The following FMN2 variants were observed in gnomAD, a reference collection of about 807,000 sequenced individuals.
FMN2 encodes the protein formin 2.
FMN2 carries 51 observed loss-of-function variants against 142.3 expected under a neutral mutation model. The observed-to-expected ratio is 0.36, with a 90% confidence interval of 0.29 to 0.45. The LOEUF is 0.45. FMN2 is among the 20% of genes least tolerant of loss of function. The pLI is 1.00. For synonymous variants in FMN2, 882 were observed against 869.8 expected, an observed-to-expected ratio of 1.01 and a Z score of -0.25; for missense variants, 1,936 against 2,122.8, an observed-to-expected ratio of 0.91 and a Z score of 1.73.
intron 2 of FMN2, among the ~76,000 whole-genome samples, chr1:240,141,344 T>TTTTATTTATTTA (rs59481681): frequency 6.6e-6 from 1 of 150,410 alleles, no homozygotes; most frequent in Admixed American, 6.6e-5. Context: ...GGCAACGGTA[T>TTTTATTTATTTA]TTTATTTATT....
intron 2 of FMN2, among the ~76,000 whole-genome samples, chr1:240,151,532 C>G (rs1211390384): frequency 6.6e-6 from 1 of 152,006 alleles, no homozygotes; most frequent in Non-Finnish European, 1.5e-5. Flanking sequence ...AATGTAAGCT[C>G]CGGTGTGGGC....
At chr1:240,335,441 A>G (rs533608398) in intron 13 of FMN2, among the ~76,000 whole-genome samples, 1 of 152,308 alleles carries the variant, frequency 6.6e-6, no homozygotes, top group East Asian at 1.9e-4. Flanking sequence ...TAAAGCAACA[A>G]AAAAACCCAC....
At chr1:240,266,812 A>G (rs1486319378) in intron 7 of FMN2, among the ~76,000 whole-genome samples, 2 of 152,168 alleles carry the variant, frequency 1.3e-5, no homozygotes, top group East Asian at 1.9e-4. Flanking sequence ...CAGTCATCCA[A>G]TCTTCAATAA....
intron 16 of FMN2, among the ~76,000 whole-genome samples, chr1:240,451,141 G>A (rs1171146835): frequency 1.3e-5 from 2 of 152,122 alleles, no homozygotes; most frequent in African/African-American, 2.4e-5. Context: ...GCCGAGGCGG[G>A]TGGATCACGA....
chr1:240,181,406 C>A (rs1184648188), intron 3 of FMN2, among the ~76,000 whole-genome samples: 2 of 152,194 alleles, frequency 1.3e-5, no homozygotes, highest in Admixed American at 6.5e-5. Flanking sequence ...ACTTTAACTG[C>A]ATAGGGAGCA....
chr1:240,180,479 G>A (rs1208848488), intron 3 of FMN2, among the ~76,000 whole-genome samples: 2 of 150,226 alleles, frequency 1.3e-5, no homozygotes, highest in Non-Finnish European at 3.0e-5. Flanking sequence ...ATTATTAATA[G>A]TAATGATCTA....
chr1:240,143,715 A>T, intron 2 of FMN2: 1 of 1,576,252 alleles, frequency 6.3e-7, no homozygotes, highest in Non-Finnish European at 8.7e-7. Context: ...GAGGAAGCCA[A>T]CGAGCATAAG....
chr1:240,295,878 C>T (rs921442896), intron 8 of FMN2, among the ~76,000 whole-genome samples: 3 of 152,212 alleles, frequency 2.0e-5, no homozygotes, highest in Non-Finnish European at 4.4e-5. Context: ...ACATTCCCAT[C>T]GACAGTGTGC....
At chr1:240,418,161 T>C (rs1406505812) in intron 15 of FMN2, among the ~76,000 whole-genome samples, 1 of 151,918 alleles carries the variant, frequency 6.6e-6, no homozygotes, top group East Asian at 1.9e-4. Flanking sequence ...CTGATAGACT[T>C]TGTTTAATAG....
At chr1:240,324,486 C>G (rs1671086865) in intron 8 of FMN2, among the ~76,000 whole-genome samples, 1 of 152,134 alleles carries the variant, frequency 6.6e-6, no homozygotes, top group Non-Finnish European at 1.5e-5. Flanking sequence ...AGCCCTGTCT[C>G]TACTAAAACT....
Position 240,438,306 on chromosome 1 carries a change from T to G in FMN2, c.5060+96T>G, listed in dbSNP as rs3828023. On this transcript the variant is annotated intron_variant, in intron 16 of 17. Coordinates refer to ENST00000319653, the MANE Select transcript of FMN2 (RefSeq NM_020066.5). The stretch of plus-strand genomic sequence containing the variant: ...CAATTTTCGTAGCCTGAAGAAAAAA[T>G]TAGATGGCCCTCAACCCGGGGTAGC... 6.3e-4 allele frequency: 829 copies of G among 1,321,274 alleles called. 15 individuals are homozygous for G. In the East Asian group the frequency reaches 0.018, roughly 29 times the overall value. The allele number at this position is 1,321,274 out of a possible 1,614,324, so 81.8% of individuals were successfully genotyped here.
chr1:240,110,959 C>T (rs907937746), intron 1 of FMN2, among the ~76,000 whole-genome samples: 2 of 152,038 alleles, frequency 1.3e-5, no homozygotes, highest in South Asian at 2.1e-4. Flanking sequence ...TGCCTATTAC[C>T]GTACTATTTC....
chr1:240,411,616 G>A (rs1028178569), intron 15 of FMN2, among the ~76,000 whole-genome samples: 1 of 140,374 alleles, frequency 7.1e-6, no homozygotes, highest in African/African-American at 2.7e-5. Flanking sequence ...ACATTTCCTT[G>A]TGTTTGATCT....
chr1:240,113,865 G>C (rs1374245110), intron 1 of FMN2, among the ~76,000 whole-genome samples: 1 of 152,160 alleles, frequency 6.6e-6, no homozygotes, highest in Non-Finnish European at 1.5e-5. Flanking sequence ...TTAATAAACT[G>C]TGTTCGTATC....
chr1:240,380,645 T>C (rs1268451343), intron 14 of FMN2, among the ~76,000 whole-genome samples: 1 of 149,624 alleles, frequency 6.7e-6, no homozygotes, highest in Non-Finnish European at 1.5e-5. Flanking sequence ...CAGAATGATC[T>C]CAAATTAACA....
Position 240,280,530 on chromosome 1 carries a change from A to C in FMN2, c.4154-14292A>C, listed in dbSNP as rs147830026. Among the ~76,000 whole-genome samples, 164 of 152,294 alleles carry C rather than the reference A, an allele frequency of 1.1e-3. 1 individual carries two copies. The highest frequency in any genetic ancestry group is 1.3e-3 in the Non-Finnish European group (88 of 68,008). On this transcript the variant is annotated intron_variant, in intron 7 of 17. Transcript: ENST00000319653. Reference sequence around the variant, plus strand: ...AAACAGTGGCAAAATGTGATCCCAGAGTTAGGGTTCTATTTCCAGGGGAAC... The same window carrying C: ...AAACAGTGGCAAAATGTGATCCCAGCGTTAGGGTTCTATTTCCAGGGGAAC...
chr1:240,394,525 A>G (rs1673708152), intron 15 of FMN2, among the ~76,000 whole-genome samples: 1 of 152,248 alleles, frequency 6.6e-6, no homozygotes, highest in African/African-American at 2.4e-5. Context: ...GTGCTGATGG[A>G]CAAGCTACAA....
In FMN2 at chr1:240,092,415, C is replaced by A. The variant is rs778007491; in HGVS notation, c.306C>A (p.Ala102=). 6.2e-7 allele frequency: 1 copy of A among 1,612,382 alleles called. No homozygotes were observed. Residue 102 remains alanine (A), a synonymous_variant, in exon 1 of 18, where the codon GCC becomes GCA. Coordinates refer to ENST00000319653, the MANE Select transcript of FMN2 (RefSeq NM_020066.5). ...GSREDVLDSQ[A]LQTGELDSAH... ...GCGAAGATGTACTGGATTCCCAGGC[C>A]CTGCAGACCGGGGAGCTGGACAGCG... is the stretch of plus-strand genomic sequence containing the variant.
chr1:240,171,182 A>G, intron 2 of FMN2: 1 of 834,430 alleles, frequency 1.2e-6, no homozygotes, highest in Non-Finnish European at 2.1e-6. Context: ...TATGTGTCTA[A>G]AAAGATAAAA....
Sources: gnomAD v4.1 joint callset for allele counts (sites outside exome capture counted in the v4.1 genomes callset) on GRCh38, gnomAD v4.1.1 for gene constraint, MANE v1.5 for transcripts, NCBI Gene and HGNC (gene_info 2026-07-23, HGNC 2026-07-21) for gene names.